SEC24A: variants seen among roughly 807,000 people sequenced by gnomAD.
SEC24A encodes protein transport protein Sec24A.
In SEC24A, 93 loss-of-function variants were observed where a neutral mutation model predicts 129.4. The observed-to-expected ratio is 0.72, with a 90% CI of 0.61 to 0.85. The LOEUF is 0.85. SEC24A is among the 40% of genes least tolerant of loss of function. The pLI is 0.00. For missense variants in SEC24A, 1,264 were observed against 1,307.4 expected (o/e 0.97, Z 0.51); for synonymous variants, 460 against 467.3 (o/e 0.98, Z 0.20).
chr5:134,651,787 G>A (rs1364361950), intron 1 of SEC24A, among the ~76,000 whole-genome samples: 1 of 151,790 alleles, frequency 6.6e-6, no homozygotes, highest in Non-Finnish European at 1.5e-5. Context: ...TGTTCATCCT[G>A]CTAATAATAC....
rs754915890 is a variant in SEC24A at position 134,725,007 on chromosome 5, C to T, written c.3195C>T (p.Phe1065=). The T allele has an allele frequency of 1.9e-6, 3 of 1,608,668 alleles. No homozygotes were observed. In the Admixed American group the frequency reaches 5.0e-5, roughly 27 times the overall value. The change falls in exon 23 of 23, where the codon TTC becomes TTT. Residue 1065 remains phenylalanine (F), a synonymous_variant. Transcript: ENST00000398844. ...ATGAGAGTCCAATGAAAGCAAACTT[C>T]CTTCAAAACATGATAGAAGACAGAA... is the stretch of plus-strand genomic sequence containing the variant. ...IRDESPMKAN[F]LQNMIEDRTE...
Position 134,693,852 on chromosome 5 carries a change from T to C in SEC24A, c.1905T>C (p.Ser635=). Reference sequence around the variant, plus strand: ...TGTCTCCAACTGGTGGTCGAATGTCTGTCTTTCAAACACAACTCCCAACTC... The same window carrying C: ...TGTCTCCAACTGGTGGTCGAATGTCCGTCTTTCAAACACAACTCCCAACTC... The part of the protein sequence containing the change: ...KLMSPTGGRM[S]VFQTQLPTLG... Residue 635 remains serine, a synonymous_variant, in exon 13 of 23, where the codon TCT becomes TCC. Coordinates refer to ENST00000398844, the MANE Select transcript of SEC24A (RefSeq NM_021982.3). The C allele has an allele frequency of 6.2e-7, 1 of 1,614,160 alleles. No homozygotes were observed. Among genetic ancestry groups the C allele is most frequent in the Admixed American group, 1.7e-5 (1 of 59,998 alleles).
In SEC24A at chr5:134,659,047, TTTTA is replaced by T. The variant is rs142189667; in HGVS notation, c.98-2033_98-2030del. Among the ~76,000 whole-genome samples, 775 of 138,820 alleles carry T rather than the reference TTTTA, an allele frequency of 5.6e-3. 3 individuals are homozygous for T. The highest frequency in any genetic ancestry group is 5.0e-3 in the Non-Finnish European group (324 of 64,726). 91.1% of individuals were successfully genotyped at this position (138,820 alleles called of 152,430 possible). A position where few individuals can be genotyped will look rare whatever the true frequency, so the allele number is the denominator to read the frequency against. ...CCTTCACAATCACTGACCCATTTAT[TTTTA>T]TTTATTTATTTATTTATTTATTTAT... is the stretch of plus-strand genomic sequence containing the variant. On this transcript the variant is annotated intron_variant, in intron 1 of 22. Coordinates refer to ENST00000398844, the MANE Select transcript of SEC24A (RefSeq NM_021982.3).
At chr5:134,697,438 T>C (rs1751861977) in intron 14 of SEC24A, among the ~76,000 whole-genome samples, 192 bp downstream of exon 14, 1 of 152,160 alleles carries the variant, frequency 6.6e-6, no homozygotes, top group Non-Finnish European at 1.5e-5. Flanking sequence ...ATTTCTATTC[T>C]ACTATTTAAA....
intron 18 of SEC24A, among the ~76,000 whole-genome samples, chr5:134,709,557 T>C (rs142221545): frequency 2.0e-5 from 3 of 152,256 alleles, no homozygotes; most frequent in Non-Finnish European, 2.9e-5. Flanking sequence ...ATGTGAAAGC[T>C]AAAAAATCAA....
chr5:134,678,316 T>A (rs959903049), intron 7 of SEC24A, among the ~76,000 whole-genome samples: 11 of 152,204 alleles, frequency 7.2e-5, no homozygotes, highest in Admixed American at 3.3e-4. Context: ...AGCTTCTTAA[T>A]GTAACATCAA....
chr5:134,692,057 C>CTT lies in SEC24A; in HGVS notation c.1724-528_1724-527dup, dbSNP rs61531967. Reference sequence around the variant, plus strand: ...ATCAATATTTTATTTTTTTTCTTTCCTTTTTTTTTTTTTTTTTTGGAGACA... The same window carrying CTT: ...ATCAATATTTTATTTTTTTTCTTTCCTTTTTTTTTTTTTTTTTTTTGGAGACA... On this transcript the variant is annotated intron_variant, in intron 11 of 22. Transcript: ENST00000398844. Among the ~76,000 whole-genome samples, 188 of 127,916 alleles carry CTT rather than the reference C, an allele frequency of 1.5e-3. 3 individuals carry two copies. Among genetic ancestry groups the CTT allele is most frequent in the Non-Finnish European group, 1.8e-3 (109 of 60,522 alleles). 83.9% of individuals were successfully genotyped at this position (127,916 alleles called of 152,430 possible). A position where few individuals can be genotyped will look rare whatever the true frequency, so the allele number is the denominator to read the frequency against.
At chr5:134,709,822 A>G (rs1752267760) in intron 18 of SEC24A, among the ~76,000 whole-genome samples, 1 of 151,980 alleles carries the variant, frequency 6.6e-6, no homozygotes, top group Non-Finnish European at 1.5e-5. Flanking sequence ...TTTTAAAAAG[A>G]AGAGACCATA....
chr5:134,711,106 A>G (rs904610061), intron 18 of SEC24A, among the ~76,000 whole-genome samples: 1 of 152,202 alleles, frequency 6.6e-6, no homozygotes, highest in African/African-American at 2.4e-5. Flanking sequence ...ACTGCCCTCC[A>G]GCCTGGGTGA....
intron 17 of SEC24A, among the ~76,000 whole-genome samples, chr5:134,707,822 CT>C (rs954654756): frequency 4.2e-4 from 64 of 150,914 alleles, no homozygotes; most frequent in African/African-American, 1.4e-3. Flanking sequence ...TTCAATTATG[CT>C]TTTTTTTTAA....
chr5:134,651,369 A>G (rs2150064893), intron 1 of SEC24A, among the ~76,000 whole-genome samples: 1 of 150,406 alleles, frequency 6.6e-6, no homozygotes, highest in South Asian at 2.1e-4. Flanking sequence ...ATCTCGGCTC[A>G]CTGCAACCTC....
In SEC24A at chr5:134,661,596, T is replaced by C. The variant is rs1171838574; in HGVS notation, c.565+10T>C. 6.3e-7 allele frequency: 1 copy of C among 1,576,434 alleles called. No homozygotes were observed. Among genetic ancestry groups the C allele is most frequent in the Non-Finnish European group, 8.7e-7 (1 of 1,147,344 alleles). On this transcript the variant is annotated intron_variant, in intron 2 of 22. Coordinates refer to ENST00000398844, the MANE Select transcript of SEC24A (RefSeq NM_021982.3). ...AGCTTCATAAAGTCAGGTAGTATTCTTATAGAAGTGCTTAAAATGTAGAAA... is the reference window on the plus strand; with the variant it reads ...AGCTTCATAAAGTCAGGTAGTATTCCTATAGAAGTGCTTAAAATGTAGAAA...
intron 4 of SEC24A, 112 bp from the exon 5 acceptor site, chr5:134,674,503 C>G (rs1750982269): frequency 1.1e-6 from 1 of 940,520 alleles, no homozygotes; most frequent in African/African-American, 1.7e-5. Context: ...CACCACTGCA[C>G]TGCAGCCTGG....
intron 1 of SEC24A, 37 bp from the exon 2 acceptor site, chr5:134,661,082 C>G (rs201089914): frequency 3.6e-6 from 5 of 1,387,652 alleles, no homozygotes; most frequent in Non-Finnish European, 5.0e-6. Context: ...TTGCTATATT[C>G]GTTGGTAAGA....
rs1749980433 is a variant in SEC24A, at chr5:134,649,574, G to GT, written c.97+402dup. ...TGGGTTCCGCAGGCCCTGAAGTGGG[G>GT]TGGGGGTCGTACTCAGTCTGAGTTT... On this transcript the variant is annotated intron_variant, in intron 1 of 22. Coordinates refer to ENST00000398844, the MANE Select transcript of SEC24A (RefSeq NM_021982.3). Among the ~76,000 whole-genome samples, 3 of 152,248 alleles carry GT rather than the reference G, an allele frequency of 2.0e-5. No homozygotes were observed. In the South Asian group the frequency reaches 6.2e-4, roughly 32 times the overall value.
chr5:134,714,740 GTAGA>G (rs1198731825), intron 18 of SEC24A, among the ~76,000 whole-genome samples: 1 of 152,078 alleles, frequency 6.6e-6, no homozygotes, highest in Non-Finnish European at 1.5e-5. Flanking sequence ...TCATTATATG[GTAGA>G]TAGAGTGTTT....
At chr5:134,673,753 C>G (rs1750957328) in intron 4 of SEC24A, among the ~76,000 whole-genome samples, 1 of 152,200 alleles carries the variant, frequency 6.6e-6, no homozygotes, top group Admixed American at 6.5e-5. Flanking sequence ...AGTCACCACA[C>G]CCAGCCGACA....
intron 16 of SEC24A, among the ~76,000 whole-genome samples, chr5:134,704,418 A>C (rs1042265556): frequency 1.3e-5 from 2 of 152,080 alleles, no homozygotes; most frequent in African/African-American, 2.4e-5. Flanking sequence ...AGTTCAAAAA[A>C]GAGATTTTTA....
chr5:134,675,263 G>A lies in SEC24A; in HGVS notation c.1151+46G>A, dbSNP rs755851016. The A allele has an allele frequency of 4.1e-6, 6 of 1,466,104 alleles. No homozygotes were observed. In the East Asian group the frequency reaches 1.4e-4, roughly 33 times the overall value. 90.8% of individuals were successfully genotyped at this position (1,466,104 alleles called of 1,614,324 possible). On this transcript the variant is annotated intron_variant, in intron 6 of 22. Transcript: ENST00000398844. ...TTATGCATGTCCGAAAAGTTTTCTAGCTTTTTGCAGGGGGCACATCAGGTG... is the reference window on the plus strand; with the variant it reads ...TTATGCATGTCCGAAAAGTTTTCTAACTTTTTGCAGGGGGCACATCAGGTG...
Sources: gnomAD v4.1 joint callset for allele counts (sites outside exome capture counted in the v4.1 genomes callset) on GRCh38, gnomAD v4.1.1 for gene constraint, MANE v1.5 for transcripts, NCBI Gene and HGNC (gene_info 2026-07-23, HGNC 2026-07-21) for gene names.